The following ZBBX variants were observed in gnomAD, a reference collection of about 807,000 sequenced individuals.
The protein encoded by ZBBX is zinc finger B-box domain-containing protein 1.
A neutral mutation model predicts 108.5 loss-of-function variants in ZBBX; 101 were observed. The ratio of observed to expected loss-of-function variants is 0.93; its 90% CI spans 0.79 to 1.10. The LOEUF (loss-of-function observed/expected upper bound fraction) is 1.10, where lower values mean the gene tolerates loss of function less well. Among genes scored for constraint, ZBBX ranks in the 50% least tolerant of loss-of-function variants. The pLI is 0.00. For missense variants in ZBBX, 1,009 were observed against 941.4 expected (o/e 1.07, Z -0.94); for synonymous variants, 356 against 323.4 (o/e 1.10, Z -1.08).
chr3:167,327,822 G>T, intron 11 of ZBBX, 120 bp downstream of exon 11: 1 of 981,194 alleles, frequency 1.0e-6, no homozygotes, highest in Non-Finnish European at 1.4e-6. Context: ...GCTGAGGCAG[G>T]AGAATTACTT....
intron 8 of ZBBX, among the ~76,000 whole-genome samples, chr3:167,357,138 G>T (rs911730507): frequency 6.6e-6 from 1 of 152,120 alleles, no homozygotes; most frequent in African/African-American, 2.4e-5. Flanking sequence ...CAACAGAGGG[G>T]TTGAGATTGC....
At chr3:167,291,908 T>C (rs1730760990) in intron 18 of ZBBX, among the ~76,000 whole-genome samples, 1 of 152,174 alleles carries the variant, frequency 6.6e-6, no homozygotes, top group Non-Finnish European at 1.5e-5. Flanking sequence ...GTTGCAATCC[T>C]AGTCTGTAAT....
At chr3:167,269,587 G>T (rs925072585) in intron 20 of ZBBX, among the ~76,000 whole-genome samples, 4 of 152,144 alleles carry the variant, frequency 2.6e-5, no homozygotes, top group Admixed American at 2.6e-4. Flanking sequence ...GAAGTGGTGA[G>T]GAGGAAGTAA....
At chr3:167,370,083 C>G (rs777865971) in intron 4 of ZBBX, among the ~76,000 whole-genome samples, 30 of 151,930 alleles carry the variant, frequency 2.0e-4, no homozygotes, top group Non-Finnish European at 3.4e-4. Context: ...ATTGATCAGA[C>G]TTACATTTAG....
chr3:167,228,597 C>T, the ZBBX span, among the ~76,000 whole-genome samples: 6 of 151,790 alleles, frequency 4.0e-5, no homozygotes, highest in East Asian at 3.9e-4. Flanking sequence ...CCCTGATGCC[C>T]TCCACTCCTA....
intron 16 of ZBBX, among the ~76,000 whole-genome samples, chr3:167,309,082 G>A (rs1734147459): frequency 6.6e-6 from 1 of 152,162 alleles, no homozygotes. Context: ...AGAAATTTCT[G>A]AGTAACTCAT....
rs1358164835 is a variant in ZBBX, at chr3:167,240,721, C to T, written c.*72G>A. The T allele has an allele frequency of 4.0e-5, 62 of 1,536,456 alleles. No individual in the cohort carries two copies. The highest frequency in any genetic ancestry group is 3.1e-5 in the Non-Finnish European group (35 of 1,133,828). On this transcript the variant is annotated 3_prime_UTR_variant, in exon 22 of 22. Transcript: ENST00000675490. ...AATCTCCAGCACTTGGATAGGTAAT[C>T]ACTTGGTTACTTTTCTCAGTTGTTT...
At chr3:167,402,354 C>T (rs934450554) in intron 1 of ZBBX, among the ~76,000 whole-genome samples, 1 of 152,080 alleles carries the variant, frequency 6.6e-6, no homozygotes, top group African/African-American at 2.4e-5. Context: ...TGAATGTTGG[C>T]GATTGGGTTA....
chr3:167,314,261 T>C (rs1008085002), intron 15 of ZBBX, 145 bp from the exon 16 acceptor site: 3 of 598,104 alleles, frequency 5.0e-6, no homozygotes, highest in African/African-American at 3.9e-5. Flanking sequence ...TTTAACCTTA[T>C]GTGAACACAT....
At chr3:167,337,738 AAC>A (rs1183843883) in intron 9 of ZBBX, among the ~76,000 whole-genome samples, 1 of 152,122 alleles carries the variant, frequency 6.6e-6, no homozygotes, top group Non-Finnish European at 1.5e-5. Flanking sequence ...TACAAAAGAA[AAC>A]ACACTGCCTT....
At chr3:167,306,024 AG>A (rs1366610146) in intron 16 of ZBBX, 74 bp from the exon 17 acceptor site, 1 of 1,246,116 alleles carries the variant, frequency 8.0e-7, no homozygotes, top group Non-Finnish European at 1.1e-6. Context: ...ATAAACCAAA[AG>A]TTCTGTGGTA....
chr3:167,298,530 T>C, intron 17 of ZBBX, 72 bp from the exon 18 acceptor site: 12 of 1,177,030 alleles, frequency 1.0e-5, no homozygotes, highest in Non-Finnish European at 1.4e-5. Flanking sequence ...ATTTATCAGA[T>C]ACCTACTTGG....
chr3:167,277,450 T>C (rs1358057646), intron 20 of ZBBX, among the ~76,000 whole-genome samples: 2 of 152,238 alleles, frequency 1.3e-5, no homozygotes, highest in Admixed American at 1.3e-4. Context: ...ATTGCAATCC[T>C]AGTCTCTGAT....
intron 9 of ZBBX, 54 bp downstream of exon 9, chr3:167,350,366 A>G: frequency 1.4e-6 from 2 of 1,381,462 alleles, no homozygotes; most frequent in East Asian, 4.7e-5. Context: ...AAATGTCTTT[A>G]TGTGGAAACA....
chr3:167,376,164 T>C (rs1487050594), intron 2 of ZBBX, among the ~76,000 whole-genome samples: 1 of 152,162 alleles, frequency 6.6e-6, no homozygotes, highest in Non-Finnish European at 1.5e-5. Context: ...AAAGATACCA[T>C]AGGAATGGCA....
the ZBBX span, among the ~76,000 whole-genome samples, chr3:167,197,923 T>C: frequency 0.013 from 2,030 of 152,338 alleles, 22 homozygotes; most frequent in South Asian, 0.026. Flanking sequence ...TATCTTATCA[T>C]AGGAAATAGA....
At chr3:167,256,892 C>T (rs1723617189) in intron 20 of ZBBX, among the ~76,000 whole-genome samples, 1 of 152,030 alleles carries the variant, frequency 6.6e-6, no homozygotes, top group Non-Finnish European at 1.5e-5. Flanking sequence ...CCTTAGGTTG[C>T]TTCTGAATCT....
At chr3:167,319,407 T>C (rs1250777454) in intron 12 of ZBBX, among the ~76,000 whole-genome samples, 1 of 152,002 alleles carries the variant, frequency 6.6e-6, no homozygotes. Flanking sequence ...AATGTGGTTG[T>C]AAGACTGTTT....
intron 12 of ZBBX, among the ~76,000 whole-genome samples, chr3:167,318,812 C>T (rs1337339913): frequency 1.3e-5 from 2 of 151,752 alleles, no homozygotes; most frequent in African/African-American, 2.4e-5. Context: ...CTATTATGGG[C>T]ATCATACTTT....
Sources: gnomAD v4.1 joint callset for allele counts (sites outside exome capture counted in the v4.1 genomes callset) on GRCh38, gnomAD v4.1.1 for gene constraint, MANE v1.5 for transcripts, NCBI Gene and HGNC (gene_info 2026-07-23, HGNC 2026-07-21) for gene names.